Variants in CATSPERE observed in about 807,000 individuals in gnomAD.
The protein encoded by CATSPERE is cation channel sperm-associated auxiliary subunit epsilon.
CATSPERE carries 93 observed loss-of-function variants against 114.1 expected under a neutral mutation model. That is an observed-to-expected ratio of 0.81 (90% CI 0.69 to 0.97). The LOEUF is 0.97. CATSPERE is among the 50% of genes least tolerant of loss of function. The pLI is 0.00. For missense variants in CATSPERE, 1,058 were observed against 1,131.6 expected (o/e 0.93, Z 0.93); for synonymous variants, 341 against 384.1 (o/e 0.89, Z 1.31).
intron 5 of CATSPERE, among the ~76,000 whole-genome samples, chr1:244,485,801 C>G (rs1172562102): frequency 2.0e-5 from 3 of 150,998 alleles, no homozygotes; most frequent in Non-Finnish European, 4.4e-5. Context: ...GTGTCAGGCA[C>G]TCCTCCCACC....
chr1:244,609,913 G>C (rs2148688745), intron 18 of CATSPERE, among the ~76,000 whole-genome samples: 1 of 152,240 alleles, frequency 6.6e-6, no homozygotes, highest in African/African-American at 2.4e-5. Flanking sequence ...CAGGCATGCT[G>C]GCACACACCT....
upstream of CATSPERE, among the ~76,000 whole-genome samples, chr1:244,452,645 C>T (rs922199379): frequency 2.0e-4 from 30 of 152,094 alleles, no homozygotes; most frequent in Admixed American, 1.8e-3. Flanking sequence ...ATGCAGATAC[C>T]GTCATGCACT....
chr1:244,640,125 AAC>A lies in CATSPERE; in HGVS notation c.*46_*47del. On this transcript the variant is annotated 3_prime_UTR_variant, in exon 22 of 22. Coordinates refer to ENST00000366534, the MANE Select transcript of CATSPERE (RefSeq NM_001130957.2). The stretch of plus-strand genomic sequence containing the variant: ...TATTACAGATATATGCATATAGAGA[AAC>A]AGTGTATTACATAGTGATATTGAGA... 7.0e-7 allele frequency: 1 copy of A among 1,426,704 alleles called. No homozygotes were observed. The highest frequency in any genetic ancestry group is 9.6e-7 in the Non-Finnish European group (1 of 1,039,658). 88.4% of individuals were successfully genotyped at this position (1,426,704 alleles called of 1,614,324 possible).
chr1:244,452,255 G>C (rs1230017628), upstream of CATSPERE: 4 of 155,984 alleles, frequency 2.6e-5, no homozygotes, highest in Non-Finnish European at 5.7e-5. Context: ...CGCGTGTGGA[G>C]CGTCGGACTA....
At chr1:244,528,785 C>CCACGCACGCGCACACACACACACA (rs1553342506) in intron 8 of CATSPERE, among the ~76,000 whole-genome samples, 8 of 130,536 alleles carry the variant, frequency 6.1e-5, no homozygotes, top group African/African-American at 2.4e-4. Flanking sequence ...CAATCCCCCA[C>CCACGCACGCGCACACACACACACA]CACACACACA....
At position 244,621,162 on chromosome 1, in the gene CATSPERE, A is replaced by C. The variant is rs1390104408; in HGVS notation, c.2648+3476A>C. ...AAAATATATATATTATAAAATATAT[A>C]TATTATATATAGATATATTTATATA... On this transcript the variant is annotated intron_variant, in intron 20 of 21. Coordinates refer to ENST00000366534, the MANE Select transcript of CATSPERE (RefSeq NM_001130957.2). Among the ~76,000 whole-genome samples the C allele has an allele frequency of 6.1e-5, 7 of 115,324 alleles. 1 individual carries two copies. The highest frequency in any genetic ancestry group is 2.5e-4 in the African/African-American group (7 of 28,356). The allele number at this position is 115,324 out of a possible 152,430, so 75.7% of individuals were successfully genotyped here.
At chr1:244,556,319 A>G (rs1661569081) in intron 9 of CATSPERE, among the ~76,000 whole-genome samples, 1 of 151,960 alleles carries the variant, frequency 6.6e-6, no homozygotes, top group South Asian at 2.1e-4. Flanking sequence ...GAAAAAAATT[A>G]TAAAATCCAA....
intron 7 of CATSPERE, among the ~76,000 whole-genome samples, chr1:244,517,401 T>G (rs1229808130): frequency 6.6e-6 from 1 of 151,970 alleles, no homozygotes; most frequent in Non-Finnish European, 1.5e-5. Context: ...TTCTGAATAG[T>G]GAATATGATT....
At chr1:244,537,700 T>C (rs139313148) in intron 8 of CATSPERE, among the ~76,000 whole-genome samples, 3 of 152,214 alleles carry the variant, frequency 2.0e-5, no homozygotes, top group African/African-American at 4.8e-5. Context: ...TTTAATTACA[T>C]TGTGGTTTGA....
In CATSPERE at chr1:244,461,433, T is replaced by C; in HGVS notation, c.4T>C (p.Ser2Pro). Residue 2 changes from serine (S) to proline (P), a missense_variant, in exon 1 of 22, where the codon TCA (serine) becomes CCA (proline). Coordinates refer to ENST00000366534, the MANE Select transcript of CATSPERE (RefSeq NM_001130957.2). ...GGGCGGAGGCGGAGCAGGCGCCATG[T>C]CAGCCCGGGAAGTGGCCGTGCTGCT... M[S>P]AREVAVLLLW... The C allele has an allele frequency of 7.2e-7, 1 of 1,381,656 alleles. No individual in the cohort carries two copies. The highest frequency in any genetic ancestry group is 9.5e-7 in the Non-Finnish European group (1 of 1,057,782). 85.6% of individuals were successfully genotyped at this position (1,381,656 alleles called of 1,614,324 possible).
chr1:244,554,575 A>G (rs891322061), intron 9 of CATSPERE, among the ~76,000 whole-genome samples: 2 of 152,208 alleles, frequency 1.3e-5, no homozygotes, highest in East Asian at 1.9e-4. Context: ...TAGCCATTCA[A>G]CAGGGTAAAA....
chr1:244,490,767 T>C (rs1463106670), intron 6 of CATSPERE, among the ~76,000 whole-genome samples: 3 of 152,140 alleles, frequency 2.0e-5, no homozygotes, highest in African/African-American at 2.4e-5. Context: ...TTAATACAAA[T>C]ATTAAAGATA....
rs572644188 is a variant in CATSPERE, at chr1:244,616,603, G to A, written c.2491-926G>A. On this transcript the variant is annotated intron_variant, in intron 19 of 21. Transcript: ENST00000366534. ...GGTGAGGGCGAGTGAGAGGGCAGGCGAGGGAGGCTGAACTCATCCTTTTAT... is the reference window on the plus strand; with the variant it reads ...GGTGAGGGCGAGTGAGAGGGCAGGCAAGGGAGGCTGAACTCATCCTTTTAT... Among the ~76,000 whole-genome samples, 10 of 152,276 alleles carry A rather than the reference G, an allele frequency of 6.6e-5. 2 individuals carry two copies. The South Asian group carries it at 1.2e-3, about 19-fold the overall frequency.
chr1:244,627,661 G>C (rs1361108988), intron 20 of CATSPERE, among the ~76,000 whole-genome samples: 1 of 152,160 alleles, frequency 6.6e-6, no homozygotes, highest in African/African-American at 2.4e-5. Flanking sequence ...TCAAAGGTTT[G>C]TGTTAATCCC....
chr1:244,559,752 C>T (rs1429752429), intron 9 of CATSPERE, among the ~76,000 whole-genome samples: 1 of 152,110 alleles, frequency 6.6e-6, no homozygotes, highest in African/African-American at 2.4e-5. Context: ...GTGAAAGGCA[C>T]ACTCCAGGCC....
rs138913920 is a variant in CATSPERE at position 244,479,718 on chromosome 1, A to T, written c.260A>T (p.Asp87Val). ...HAIKPIVTGP[D>V]EEERYLFVES... is the part of the protein sequence containing the mutation. ...AGTTTCTTTTGCATTTTCTTTTAGG[A>T]TGAAGAAGAACGCTATTTATTTGTG... Residue 87 changes from aspartate (D) to valine (V), a missense_variant and splice_region_variant, in exon 5 of 22, where the codon GAT becomes GTT. By Grantham distance (152) the Asp-to-Val change is radical (BLOSUM62 -3). Around this residue, in one of 2 missense-constraint regions of CATSPERE, gnomAD observed 271 missense variants for 225.9 expected, o/e 1.20. Transcript: ENST00000366534. 4 of 1,590,762 alleles carry T rather than the reference A, an allele frequency of 2.5e-6. No homozygotes were observed. In the Admixed American group the frequency reaches 5.1e-5, roughly 20 times the overall value.
At chr1:244,574,534 C>T (rs1664952958) in intron 11 of CATSPERE, among the ~76,000 whole-genome samples, 1 of 151,980 alleles carries the variant, frequency 6.6e-6, no homozygotes, top group Non-Finnish European at 1.5e-5. Flanking sequence ...GTTTTTTTCT[C>T]TTCAAACTTT....
intron 2 of CATSPERE, among the ~76,000 whole-genome samples, chr1:244,464,354 A>G (rs939705424): frequency 2.0e-5 from 3 of 152,178 alleles, no homozygotes; most frequent in East Asian, 1.9e-4. Context: ...TACTTTTCTT[A>G]TTCAACACTT....
Position 244,605,705 on chromosome 1 carries a change from A to G in CATSPERE, c.2314A>G (p.Asn772Asp). Reference protein sequence around the residue: ...FQPVVQLFDDNGYVKDVEANF... With the variant: ...FQPVVQLFDDDGYVKDVEANF... ...TGTTGTTTCTTTCAGATTTGATGATAATGGCTATGTTAAAGACGTTGAAGC... is the reference window on the plus strand; with the variant it reads ...TGTTGTTTCTTTCAGATTTGATGATGATGGCTATGTTAAAGACGTTGAAGC... The change falls in exon 18 of 22, where the codon AAT becomes GAT. Residue 772 changes from asparagine (N) to aspartate (D), a missense_variant. Coordinates refer to ENST00000366534, the MANE Select transcript of CATSPERE (RefSeq NM_001130957.2). 6.2e-7 allele frequency: 1 copy of G among 1,606,828 alleles called. No individual in the cohort carries two copies. The highest frequency in any genetic ancestry group is 8.5e-7 in the Non-Finnish European group (1 of 1,173,726).
Sources: gnomAD v4.1 joint callset for allele counts (sites outside exome capture counted in the v4.1 genomes callset) on GRCh38, gnomAD v4.1.1 for gene constraint, gnomAD v4.1.1 regional missense constraint, MANE v1.5 for transcripts, NCBI Gene and HGNC (gene_info 2026-07-23, HGNC 2026-07-21) for gene names.